Variants in UBE2E2 observed in about 807,000 individuals in gnomAD.
UBE2E2 encodes ubiquitin conjugating enzyme E2 E2.
Under a neutral mutation model 24.7 loss-of-function variants are expected in UBE2E2, and 6 were observed. The observed-to-expected ratio is 0.24, with a 90% CI of 0.13 to 0.48. UBE2E2 has a LOEUF of 0.48. Ranked by LOEUF, UBE2E2 falls within the 20% of genes least tolerant of loss-of-function variation. UBE2E2 has a pLI of 0.99. For missense variants in UBE2E2, 169 were observed against 245.0 expected (o/e 0.69, Z 2.07); for synonymous variants, 104 against 83.6 (o/e 1.24, Z -1.33).
At chr3:23,563,079 CTCTGA>C (rs1695975987) in intron 5 of UBE2E2, among the ~76,000 whole-genome samples, 1 of 152,186 alleles carries the variant, frequency 6.6e-6, no homozygotes, top group Non-Finnish European at 1.5e-5. Flanking sequence ...TTCAGTTCTT[CTCTGA>C]TCTTAGTTAT....
intron 3 of UBE2E2, among the ~76,000 whole-genome samples, chr3:23,350,093 T>A (rs1006955164): frequency 1.6e-4 from 25 of 152,224 alleles, no homozygotes; most frequent in African/African-American, 5.8e-4. Flanking sequence ...TCCGCTGTTC[T>A]GCAGCCACCA....
chr3:23,213,098 G>C (rs1217097981), intron 2 of UBE2E2, among the ~76,000 whole-genome samples: 1 of 152,086 alleles, frequency 6.6e-6, no homozygotes, highest in African/African-American at 2.4e-5. Flanking sequence ...AGGGAATATA[G>C]AAAGTTGTCT....
intron 3 of UBE2E2, among the ~76,000 whole-genome samples, chr3:23,256,151 T>C (rs773180456): frequency 3.3e-5 from 5 of 152,234 alleles, no homozygotes; most frequent in African/African-American, 4.8e-5. Context: ...TGCAACCACC[T>C]AATTTTTCTT....
chr3:23,371,457 T>G (rs1696397142), intron 3 of UBE2E2, among the ~76,000 whole-genome samples: 1 of 152,206 alleles, frequency 6.6e-6, no homozygotes, highest in African/African-American at 2.4e-5. Flanking sequence ...ATTAAATATA[T>G]TTTCAAAGTA....
At chr3:23,538,498 G>A (rs1279706416) in intron 5 of UBE2E2, among the ~76,000 whole-genome samples, 1 of 152,134 alleles carries the variant, frequency 6.6e-6, no homozygotes, top group Non-Finnish European at 1.5e-5. Context: ...TTAATAGCAA[G>A]ACAGTAAACA....
intron 3 of UBE2E2, among the ~76,000 whole-genome samples, chr3:23,303,224 G>T (rs760774101): frequency 1.3e-5 from 2 of 152,074 alleles, no homozygotes; most frequent in Non-Finnish European, 2.9e-5. Flanking sequence ...CCATCTAGTT[G>T]CAGGAAGACG....
intron 3 of UBE2E2, among the ~76,000 whole-genome samples, chr3:23,471,077 A>T (rs1481136377): frequency 3.3e-5 from 5 of 152,202 alleles, no homozygotes; most frequent in Non-Finnish European, 7.3e-5. Flanking sequence ...ATATACACAC[A>T]GACATGCAAC....
intron 3 of UBE2E2, among the ~76,000 whole-genome samples, chr3:23,488,052 A>G (rs1575662315): frequency 6.6e-6 from 1 of 152,110 alleles, no homozygotes; most frequent in East Asian, 1.9e-4. Context: ...AAACTAGACA[A>G]CTGTATGAAG....
intron 3 of UBE2E2, among the ~76,000 whole-genome samples, chr3:23,476,056 T>C (rs1699127277): frequency 6.6e-6 from 1 of 152,066 alleles, no homozygotes; most frequent in African/African-American, 2.4e-5. Flanking sequence ...TTTCAAAACC[T>C]CTCCTCTTCC....
At chr3:23,256,808 A>G (rs991978529) in intron 3 of UBE2E2, among the ~76,000 whole-genome samples, 1 of 152,184 alleles carries the variant, frequency 6.6e-6, no homozygotes, top group African/African-American at 2.4e-5. Flanking sequence ...TCACACACGC[A>G]CATATAAAAT....
intron 3 of UBE2E2, among the ~76,000 whole-genome samples, chr3:23,322,923 A>T (rs927353936): frequency 2.0e-5 from 3 of 151,820 alleles, no homozygotes; most frequent in African/African-American, 7.2e-5. Flanking sequence ...ATATTTATAT[A>T]TTTTTTCTAT....
intron 3 of UBE2E2, among the ~76,000 whole-genome samples, chr3:23,495,157 C>T (rs1699575723): frequency 6.6e-6 from 1 of 152,162 alleles, no homozygotes; most frequent in Non-Finnish European, 1.5e-5. Flanking sequence ...TAAACCAATT[C>T]AGAGTGATAA....
At chr3:23,226,055 CTT>C (rs1224846294) in intron 3 of UBE2E2, among the ~76,000 whole-genome samples, 2 of 151,964 alleles carry the variant, frequency 1.3e-5, no homozygotes, top group Non-Finnish European at 2.9e-5. Flanking sequence ...AATGTTTGTA[CTT>C]TTAGTAGAGA....
At chr3:23,512,696 G>C (rs1485791765) in intron 4 of UBE2E2, among the ~76,000 whole-genome samples, 3 of 152,106 alleles carry the variant, frequency 2.0e-5, no homozygotes, top group Non-Finnish European at 1.5e-5. Flanking sequence ...TGTAATCCCA[G>C]CACTTTAGGA....
intron 3 of UBE2E2, among the ~76,000 whole-genome samples, chr3:23,404,347 A>G (rs1159399938): frequency 6.6e-6 from 1 of 152,186 alleles, no homozygotes; most frequent in Non-Finnish European, 1.5e-5. Flanking sequence ...GCTGTTTAAC[A>G]TGACATTCAT....
intron 3 of UBE2E2, among the ~76,000 whole-genome samples, chr3:23,468,979 T>C (rs1388765006): frequency 6.6e-6 from 1 of 152,236 alleles, no homozygotes; most frequent in Non-Finnish European, 1.5e-5. Context: ...TGAGGGACTT[T>C]AGTTAGCCAA....
chr3:23,459,913 G>T (rs1463008813), intron 3 of UBE2E2, among the ~76,000 whole-genome samples: 1 of 152,164 alleles, frequency 6.6e-6, no homozygotes, highest in Non-Finnish European at 1.5e-5. Flanking sequence ...ATTACAAAAT[G>T]TACTTATGCC....
intron 3 of UBE2E2, among the ~76,000 whole-genome samples, chr3:23,261,824 T>G (rs1697909235): frequency 6.6e-6 from 1 of 152,224 alleles, no homozygotes; most frequent in Non-Finnish European, 1.5e-5. Flanking sequence ...GTGAATAATA[T>G]TCCATTTTAT....
At chr3:23,279,250 A>G (rs1400304013) in intron 3 of UBE2E2, among the ~76,000 whole-genome samples, 2 of 152,096 alleles carry the variant, frequency 1.3e-5, no homozygotes, top group African/African-American at 4.8e-5. Context: ...TCAGTATGTT[A>G]AAAAATGAAT....
Sources: allele counts gnomAD v4.1 joint callset (sites outside exome capture counted in the v4.1 genomes callset), GRCh38; gene constraint gnomAD v4.1.1; transcripts MANE v1.5; gene names NCBI Gene and HGNC (gene_info 2026-07-23, HGNC 2026-07-21).